The following AVEN variants were observed in gnomAD, a reference collection of about 807,000 sequenced individuals.
The protein encoded by AVEN is apoptosis and caspase activation inhibitor, also known as cell death regulator Aven.
A neutral mutation model predicts 38.1 loss-of-function variants in AVEN; 41 were observed. The ratio of observed to expected loss-of-function variants is 1.08; its 90% CI spans 0.84 to 1.40. The LOEUF (loss-of-function observed/expected upper bound fraction) is 1.40, where lower values mean the gene tolerates loss of function less well. Ranked by LOEUF, AVEN falls within the 40% of genes most tolerant of loss-of-function variation. The pLI, the probability that AVEN is intolerant of heterozygous loss-of-function variation, is 0.00. For missense variants in AVEN, 605 were observed against 438.8 expected (o/e 1.38, Z -3.38); for synonymous variants, 206 against 171.8 (o/e 1.20, Z -1.56).
At chr15:33,950,845 A>C (rs922013500) in intron 2 of AVEN, among the ~76,000 whole-genome samples, 3 of 152,166 alleles carry the variant, frequency 2.0e-5, no homozygotes, top group Non-Finnish European at 2.9e-5. Context: ...GCCTCTACAG[A>C]AAATAATAAT....
intron 2 of AVEN, among the ~76,000 whole-genome samples, chr15:33,924,554 T>G (rs768713054): frequency 2.0e-5 from 3 of 152,100 alleles, no homozygotes; most frequent in Admixed American, 6.6e-5. Flanking sequence ...ACACCTGGGC[T>G]CAAGCCATCC....
chr15:34,071,608 CAA>C (rs896337865), intron 1 of AVEN, among the ~76,000 whole-genome samples: 3 of 152,140 alleles, frequency 2.0e-5, no homozygotes, highest in African/African-American at 7.2e-5. Flanking sequence ...CATGTGTATC[CAA>C]AGACAGGTTT....
chr15:34,046,210 C>A (rs1899674628), intron 5 of AVEN, among the ~76,000 whole-genome samples: 1 of 152,060 alleles, frequency 6.6e-6, no homozygotes, highest in Non-Finnish European at 1.5e-5. Context: ...AGTTTTCATA[C>A]TCAACTATCA....
At chr15:33,914,165 C>G (rs1893027429) in intron 2 of AVEN, among the ~76,000 whole-genome samples, 2 of 151,830 alleles carry the variant, frequency 1.3e-5, no homozygotes. Context: ...ATATAACCCC[C>G]CCCCAATAGC....
At chr15:34,018,699 G>C (rs1898067750) in intron 1 of AVEN, among the ~76,000 whole-genome samples, 1 of 152,178 alleles carries the variant, frequency 6.6e-6, no homozygotes, top group African/African-American at 2.4e-5. Flanking sequence ...CTGCTGGCTG[G>C]GGTGACCAGC....
chr15:33,863,830 T>G (rs1889430818), downstream of AVEN, among the ~76,000 whole-genome samples: 1 of 152,216 alleles, frequency 6.6e-6, no homozygotes, highest in Admixed American at 6.5e-5. Flanking sequence ...ACCATTTTAT[T>G]GTTTTATTAG....
chr15:34,058,395 A>G (rs1230703090), intron 5 of AVEN, among the ~76,000 whole-genome samples: 2 of 152,150 alleles, frequency 1.3e-5, no homozygotes, highest in Non-Finnish European at 2.9e-5. Context: ...CAGAATAAAA[A>G]TCAAAATGGA....
chr15:33,979,888 T>C (rs561720735), intron 2 of AVEN, among the ~76,000 whole-genome samples: 3 of 152,198 alleles, frequency 2.0e-5, no homozygotes, highest in Non-Finnish European at 4.4e-5. Context: ...GCATGAGCAA[T>C]CCAAGAGATT....
intron 2 of AVEN, among the ~76,000 whole-genome samples, chr15:33,993,723 C>A (rs1896822151): frequency 2.0e-5 from 3 of 152,162 alleles, no homozygotes; most frequent in African/African-American, 7.2e-5. Context: ...GCTACCGGGC[C>A]CTCCTCAATC....
At chr15:33,857,738 A>T, downstream of AVEN, 1 of 1,611,760 alleles carries the variant, frequency 6.2e-7, no homozygotes, top group Non-Finnish European at 8.5e-7. Flanking sequence ...CAAGGTAGAG[A>T]AGACCCCACT....
At chr15:34,024,937 C>T (rs1898386503) in intron 1 of AVEN, among the ~76,000 whole-genome samples, 1 of 151,698 alleles carries the variant, frequency 6.6e-6, no homozygotes, top group Admixed American at 6.6e-5. Context: ...AATCCTAGCA[C>T]TTTGGGAGGC....
downstream of AVEN, chr15:33,858,164 A>C: frequency 2.2e-6 from 1 of 458,336 alleles, no homozygotes. Context: ...CACCCTGCAC[A>C]GTGGCGTCAT....
At chr15:33,856,360 GATCTTCCT>G (rs935995665), downstream of AVEN, 5 of 152,202 alleles carry the variant, frequency 3.3e-5, no homozygotes, top group African/African-American at 1.2e-4. Context: ...TGATCCTGTT[GATCTTCCT>G]ATCTCCCAGC....
chr15:33,951,561 TAAAA>T (rs77164036), intron 2 of AVEN, among the ~76,000 whole-genome samples: 1 of 94,200 alleles, frequency 1.1e-5, no homozygotes, highest in South Asian at 3.4e-4. Flanking sequence ...TAAAGTATAA[TAAAA>T]AAAAAAAAAA....
chr15:34,061,042 T>C (rs573280647), intron 5 of AVEN, among the ~76,000 whole-genome samples: 2 of 151,924 alleles, frequency 1.3e-5, no homozygotes, highest in South Asian at 2.1e-4. Flanking sequence ...ATTTTTTTTT[T>C]CCCTTTACCG....
chr15:33,854,316 C>T, downstream of AVEN: 1 of 1,298,806 alleles, frequency 7.7e-7, no homozygotes, highest in East Asian at 2.5e-5. Context: ...AAAAAACTTA[C>T]TTTTTCCCCC....
chr15:33,961,951 G>T (rs920167971), intron 2 of AVEN, among the ~76,000 whole-genome samples: 3 of 151,574 alleles, frequency 2.0e-5, no homozygotes, highest in African/African-American at 7.3e-5. Flanking sequence ...ATTCATAGAT[G>T]ATTTTAAAGA....
At chr15:33,957,518 T>C (rs1333245585) in intron 2 of AVEN, among the ~76,000 whole-genome samples, 1 of 152,106 alleles carries the variant, frequency 6.6e-6, no homozygotes, top group East Asian at 1.9e-4. Flanking sequence ...AATGAAAACA[T>C]ATAACCACAA....
intron 5 of AVEN, among the ~76,000 whole-genome samples, chr15:34,048,498 G>C (rs535603425): frequency 6.6e-6 from 1 of 151,862 alleles, no homozygotes; most frequent in African/African-American, 2.4e-5. Context: ...GGACCTCCAT[G>C]TGGGGGTTTC....
Sources: allele counts gnomAD v4.1 joint callset (sites outside exome capture counted in the v4.1 genomes callset), GRCh38; gene constraint gnomAD v4.1.1; transcripts MANE v1.5; gene names NCBI Gene and HGNC (gene_info 2026-07-23, HGNC 2026-07-21).